The following PRICKLE1 variants were observed in gnomAD, a reference collection of about 807,000 sequenced individuals.
PRICKLE1 encodes the protein prickle-like protein 1.
A neutral mutation model predicts 70.2 loss-of-function variants in PRICKLE1; 14 were observed. The observed-to-expected ratio is 0.20, with a 90% CI of 0.13 to 0.31. PRICKLE1 has a LOEUF of 0.31. PRICKLE1 is among the 10% of genes least tolerant of loss of function. The pLI is 1.00. For synonymous variants in PRICKLE1, 357 were observed against 379.9 expected (o/e 0.94, Z 0.70); for missense variants, 821 against 1,026.2 (o/e 0.80, Z 2.73).
chr12:42,469,768 T>C, intron 3 of PRICKLE1, 181 bp from the exon 4 acceptor site: 2 of 707,488 alleles, frequency 2.8e-6, no homozygotes, highest in South Asian at 3.5e-5. Context: ...AAAAGGGAAA[T>C]GCAATGTGAA....
chr12:42,510,738 C>T (rs967864264), intron 1 of PRICKLE1, among the ~76,000 whole-genome samples: 9 of 151,966 alleles, frequency 5.9e-5, no homozygotes, highest in South Asian at 4.2e-4. Flanking sequence ...TTTGCATCTT[C>T]GTAAAAATGG....
intron 1 of PRICKLE1, among the ~76,000 whole-genome samples, chr12:42,472,938 C>T (rs1264773561): frequency 1.3e-5 from 2 of 152,136 alleles, no homozygotes; most frequent in African/African-American, 2.4e-5. Context: ...AAAGAAGTGT[C>T]GGGGTCAGGC....
intron 1 of PRICKLE1, among the ~76,000 whole-genome samples, chr12:42,583,289 A>G (rs1269942066): frequency 6.6e-6 from 1 of 152,110 alleles, no homozygotes; most frequent in Non-Finnish European, 1.5e-5. Flanking sequence ...CTCTATAGCA[A>G]TGGGCCTGGG....
chr12:42,566,364 T>G (rs1461848749), intron 1 of PRICKLE1, among the ~76,000 whole-genome samples: 4 of 151,886 alleles, frequency 2.6e-5, no homozygotes, highest in Admixed American at 6.6e-5. Flanking sequence ...GCTACTAACC[T>G]AGAAGGATAC....
chr12:42,500,805 T>C (rs1409468507), intron 1 of PRICKLE1, among the ~76,000 whole-genome samples: 1 of 152,172 alleles, frequency 6.6e-6, no homozygotes, highest in African/African-American at 2.4e-5. Flanking sequence ...GCTCAAATAA[T>C]AGGAGACTAT....
chr12:42,519,861 A>G (rs1403170508), intron 1 of PRICKLE1, among the ~76,000 whole-genome samples: 1 of 152,162 alleles, frequency 6.6e-6, no homozygotes, highest in Non-Finnish European at 1.5e-5. Context: ...AGGCTGGAGT[A>G]TAGTGGTAAG....
intron 5 of PRICKLE1, 81 bp from the exon 6 acceptor site, chr12:42,466,461 C>CG: frequency 7.9e-7 from 1 of 1,258,706 alleles, no homozygotes; most frequent in Non-Finnish European, 1.1e-6. Context: ...GCATGTTTTC[C>CG]GGGCAATGGA....
chr12:42,587,945 T>C (rs944934291), intron 1 of PRICKLE1, among the ~76,000 whole-genome samples: 2 of 152,118 alleles, frequency 1.3e-5, no homozygotes, highest in African/African-American at 4.8e-5. Flanking sequence ...GGATTTTTTT[T>C]TGTTTTTTTT....
intron 1 of PRICKLE1, among the ~76,000 whole-genome samples, chr12:42,532,680 G>A (rs1468317382): frequency 5.9e-5 from 9 of 151,992 alleles, no homozygotes; most frequent in Non-Finnish European, 1.0e-4. Flanking sequence ...GGCGGATCAC[G>A]AGGTCAGGAG....
intron 1 of PRICKLE1, among the ~76,000 whole-genome samples, chr12:42,514,672 T>A (rs1202754469): frequency 1.3e-5 from 2 of 152,152 alleles, no homozygotes; most frequent in African/African-American, 2.4e-5. Flanking sequence ...TCGTGACCTA[T>A]TCCATTTTTT....
chr12:42,551,334 G>T (rs1206492100), intron 1 of PRICKLE1, among the ~76,000 whole-genome samples: 1 of 152,188 alleles, frequency 6.6e-6, no homozygotes, highest in Non-Finnish European at 1.5e-5. Context: ...TGCCTTCTGG[G>T]TCTGATACCT....
chr12:42,502,025 A>G (rs1939319438), intron 1 of PRICKLE1, among the ~76,000 whole-genome samples: 1 of 152,116 alleles, frequency 6.6e-6, no homozygotes, highest in Non-Finnish European at 1.5e-5. Context: ...GCCCGTCAAT[A>G]GGTGTGACAG....
Position 42,459,556 on chromosome 12 carries a change from C to T in PRICKLE1, c.*253G>A, listed in dbSNP as rs1212459153. On this transcript the variant is annotated 3_prime_UTR_variant, in exon 8 of 8. Coordinates refer to ENST00000345127, the MANE Select transcript of PRICKLE1 (RefSeq NM_153026.3). ...GAGGACTGGAAAACCAAAGCAGCTA[C>T]GTCCATCTGTAACGCACCCGCACCG... 8 of 617,924 alleles carry T rather than the reference C, an allele frequency of 1.3e-5. No individual in the cohort carries two copies. Among genetic ancestry groups the T allele is most frequent in the East Asian group, 5.4e-5 (2 of 36,722 alleles). The allele number at this position is 617,924 out of a possible 1,614,324, so 38.3% of individuals were successfully genotyped here.
At chr12:42,575,311 T>A (rs1940786137) in intron 1 of PRICKLE1, among the ~76,000 whole-genome samples, 1 of 152,200 alleles carries the variant, frequency 6.6e-6, no homozygotes, top group Non-Finnish European at 1.5e-5. Context: ...AAAGTTGTCA[T>A]AATTCATATG....
intron 1 of PRICKLE1, among the ~76,000 whole-genome samples, chr12:42,566,123 C>T (rs1056835910): frequency 1.3e-5 from 2 of 152,100 alleles, no homozygotes; most frequent in Non-Finnish European, 1.5e-5. Flanking sequence ...GGTGTGGTAT[C>T]ATGAGATCCT....
chr12:42,525,197 A>C (rs915993825), intron 1 of PRICKLE1, among the ~76,000 whole-genome samples: 1 of 152,208 alleles, frequency 6.6e-6, no homozygotes, highest in African/African-American at 2.4e-5. Flanking sequence ...GAGTTTCCCG[A>C]TAGCTGAACA....
chr12:42,511,459 C>G (rs1377822876), intron 1 of PRICKLE1, among the ~76,000 whole-genome samples: 1 of 152,188 alleles, frequency 6.6e-6, no homozygotes, highest in Non-Finnish European at 1.5e-5. Flanking sequence ...GAGAAAGCCT[C>G]CAGGTATGAG....
intron 1 of PRICKLE1, among the ~76,000 whole-genome samples, chr12:42,573,611 C>G (rs1328873112): frequency 1.3e-5 from 2 of 151,834 alleles, no homozygotes; most frequent in African/African-American, 4.8e-5. Flanking sequence ...ACTCTGTTGC[C>G]CAGGCTGGAG....
At chr12:42,505,906 T>A (rs1043899698) in intron 1 of PRICKLE1, among the ~76,000 whole-genome samples, 3 of 152,194 alleles carry the variant, frequency 2.0e-5, no homozygotes, top group African/African-American at 7.2e-5. Flanking sequence ...TAATGTAGTC[T>A]CCATAGATAA....
Sources: gnomAD v4.1 joint callset for allele counts (sites outside exome capture counted in the v4.1 genomes callset) on GRCh38, gnomAD v4.1.1 for gene constraint, MANE v1.5 for transcripts, NCBI Gene and HGNC (gene_info 2026-07-23, HGNC 2026-07-21) for gene names.